DIPK1B: variants seen among roughly 807,000 people sequenced by gnomAD.
The protein encoded by DIPK1B is divergent protein kinase domain 1B.
A neutral mutation model predicts 20.7 loss-of-function variants in DIPK1B; 17 were observed. That is an observed-to-expected ratio of 0.82 (90% CI 0.56 to 1.23). DIPK1B has a LOEUF of 1.23. Among genes scored for constraint, DIPK1B ranks in the 50% most tolerant of loss-of-function variants. The pLI is 0.00. For synonymous variants in DIPK1B, 343 were observed against 276.5 expected (o/e 1.24, Z -2.39); for missense variants, 648 against 601.8 (o/e 1.08, Z -0.80).
intron 4 of DIPK1B, chr9:136,722,574 T>G: frequency 1.8e-6 from 1 of 570,930 alleles, no homozygotes; most frequent in East Asian, 3.0e-5. Context: ...GCAGGGCAGG[T>G]GCCCCGAATG....
Position 136,722,137 on chromosome 9 carries a change from C to T in DIPK1B, c.319C>T (p.Leu107Phe), listed in dbSNP as rs1342429772. 4.3e-6 allele frequency: 7 copies of T among 1,613,984 alleles called. No individual in the cohort carries two copies. Among genetic ancestry groups the T allele is most frequent in the Admixed American group, 1.7e-5 (1 of 60,020 alleles). ...TGGCCCTGTCCAGGTGTACAGCGGGCTCTGGCGGGACAAGGATGTAACCAT... is the reference window on the plus strand; with the variant it reads ...TGGCCCTGTCCAGGTGTACAGCGGGTTCTGGCGGGACAAGGATGTAACCAT... The part of the protein sequence containing the change: ...VAPGQQVYSG[L>F]WRDKDVTIKC... Residue 107 changes from leucine to phenylalanine, a missense_variant, in exon 4 of 5, where the codon CTC becomes TTC. Leu to Phe is a conservative substitution (Grantham distance 22, BLOSUM62 0). Coordinates refer to ENST00000371692, the MANE Select transcript of DIPK1B (RefSeq NM_152421.4).
At chr9:136,717,866 G>T (rs1353055024) in intron 2 of DIPK1B, among the ~76,000 whole-genome samples, 155 bp downstream of exon 2, 1 of 151,934 alleles carries the variant, frequency 6.6e-6, no homozygotes, top group African/African-American at 2.4e-5. Flanking sequence ...CTCAGGCTGG[G>T]TGTGGAGGAC....
At position 136,722,255 on chromosome 9, in the gene DIPK1B, G is replaced by A. The variant is rs1431681093; in HGVS notation, c.437G>A (p.Gly146Asp). 8.7e-6 allele frequency: 14 copies of A among 1,613,832 alleles called. No individual in the cohort carries two copies. The highest frequency in any genetic ancestry group is 1.2e-5 in the Non-Finnish European group (14 of 1,179,950). ...ELVLFDKPTR[G>D]TSIKEFREMT... is the part of the protein sequence containing the mutation. ...GTACTGTTTGACAAGCCCACCCGGG[G>A]CACCTCCATCAAGGAATTCCGGGAG... The change falls in exon 4 of 5, where the codon GGC (glycine) becomes GAC (aspartate). Residue 146 changes from glycine to aspartate, a missense_variant. Coordinates refer to ENST00000371692, the MANE Select transcript of DIPK1B (RefSeq NM_152421.4).
At chr9:136,720,580 G>A (rs1022655602) in intron 2 of DIPK1B, among the ~76,000 whole-genome samples, 6 of 152,226 alleles carry the variant, frequency 3.9e-5, no homozygotes, top group Non-Finnish European at 5.9e-5. Context: ...GAGGAGGGGC[G>A]GCAGCCAGCC....
rs1846607504 is a variant in DIPK1B at position 136,721,903 on chromosome 9, C to G, written c.199-18C>G. On this transcript the variant is annotated intron_variant, in intron 2 of 4. Coordinates refer to ENST00000371692, the MANE Select transcript of DIPK1B (RefSeq NM_152421.4). ...GGTGTGGCTGCCCCGCCCGGCACGC[C>G]TGCACCTGTCTCCTCAGTGTGACCA... 2 of 1,610,898 alleles carry G rather than the reference C, an allele frequency of 1.2e-6. No homozygotes were observed. The highest frequency in any genetic ancestry group is 1.7e-6 in the Non-Finnish European group (2 of 1,179,162).
At position 136,723,583 on chromosome 9, in the gene DIPK1B, G is replaced by A. The variant is rs767057842; in HGVS notation, c.1105G>A (p.Val369Met). ...GDLIQPNLAK[V>M]CALLRGYLLP... is the part of the protein sequence containing the mutation. The stretch of plus-strand genomic sequence containing the variant: ...CCTCATCCAGCCCAACCTGGCCAAG[G>A]TGTGCGCACTGCTACGGGGCTACCT... Residue 369 changes from valine (V) to methionine (M), a missense_variant, in exon 5 of 5, where the codon GTG (valine) becomes ATG (methionine). By Grantham distance (21) the Val-to-Met change is conservative. Transcript: ENST00000371692. 7 of 1,596,888 alleles carry A rather than the reference G, an allele frequency of 4.4e-6. No homozygotes were observed. In the Admixed American group the frequency reaches 6.9e-5, roughly 16 times the overall value.
intron 2 of DIPK1B, among the ~76,000 whole-genome samples, chr9:136,719,840 G>A (rs1423265046): frequency 1.3e-5 from 2 of 152,226 alleles, no homozygotes; most frequent in Non-Finnish European, 2.9e-5. Context: ...GCCTCCTGCG[G>A]TCCTGGGGCT....
chr9:136,721,676 C>G, intron 2 of DIPK1B: 1 of 521,486 alleles, frequency 1.9e-6, no homozygotes, highest in East Asian at 3.3e-5. Flanking sequence ...CGTCCTGTTA[C>G]AGGAGCCAGG....
chr9:136,723,467 A>C lies in DIPK1B; in HGVS notation c.989A>C (p.Gln330Pro). Residue 330 changes from glutamine to proline, a missense_variant, in exon 5 of 5, where the codon CAG (glutamine) becomes CCG (proline). Transcript: ENST00000371692. ...APEATVRRFLQGRRCEHSTDC... is the reference protein window; with the variant it reads ...APEATVRRFLPGRRCEHSTDC... ...GAGGCCACCGTGCGCCGCTTCCTGC[A>C]GGGCCGCCGCTGCGAGCACAGCACC... is the stretch of plus-strand genomic sequence containing the variant. The C allele has an allele frequency of 6.2e-7, 1 of 1,610,116 alleles. No homozygotes were observed. The highest frequency in any genetic ancestry group is 2.2e-5 in the East Asian group (1 of 44,832).
At chr9:136,716,822 G>T (rs1163226859) in intron 1 of DIPK1B, among the ~76,000 whole-genome samples, 1 of 152,166 alleles carries the variant, frequency 6.6e-6, no homozygotes, top group African/African-American at 2.4e-5. Flanking sequence ...CTGCATTACG[G>T]TGGACGGTGG....
At chr9:136,721,531 G>T (rs931668495) in intron 2 of DIPK1B, 6 of 219,232 alleles carry the variant, frequency 2.7e-5, no homozygotes, top group Non-Finnish European at 4.6e-5. Flanking sequence ...CTAGTTCACC[G>T]GCCAATGCCT....
rs772908596 is a variant in DIPK1B, at chr9:136,722,160, C to T, written c.342C>T (p.Thr114=). 6.2e-7 allele frequency: 1 copy of T among 1,614,018 alleles called. No homozygotes were observed. The highest frequency in any genetic ancestry group is 1.1e-5 in the South Asian group (1 of 91,082). The stretch of plus-strand genomic sequence containing the variant: ...GGCTCTGGCGGGACAAGGATGTAAC[C>T]ATCAAGTGTGGCATTGAGGAGACCC... ...YSGLWRDKDV[T]IKCGIEETLD... is the part of the protein sequence containing the mutation. The change falls in exon 4 of 5, where the codon ACC becomes ACT. Residue 114 remains threonine, a synonymous_variant. Transcript: ENST00000371692.
At chr9:136,721,834 C>T (rs1190867540) in intron 2 of DIPK1B, 87 bp from the exon 3 acceptor site, 2 of 1,215,570 alleles carry the variant, frequency 1.6e-6, no homozygotes, top group Non-Finnish European at 2.4e-6. Context: ...AAGTGGAGGC[C>T]CCTGCCAGCT....
At chr9:136,722,537 C>T (rs1366090733) in intron 4 of DIPK1B, 2 of 596,740 alleles carry the variant, frequency 3.4e-6, no homozygotes, top group Non-Finnish European at 5.9e-6. Flanking sequence ...CGAGGGGAGG[C>T]TCCTGCAGTC....
At chr9:136,717,439 G>A in intron 1 of DIPK1B, 138 bp from the exon 2 acceptor site, 10 of 954,122 alleles carry the variant, frequency 1.0e-5, no homozygotes, top group Non-Finnish European at 1.5e-5. Flanking sequence ...CTAGAAGACG[G>A]GGGTGCCAGG....
Position 136,723,517 on chromosome 9 carries a change from A to C in DIPK1B, c.1039A>C (p.Arg347=), listed in dbSNP as rs751034317. The change falls in exon 5 of 5, where the codon AGG becomes CGG. Residue 347 remains arginine, a synonymous_variant. Coordinates refer to ENST00000371692, the MANE Select transcript of DIPK1B (RefSeq NM_152421.4). The part of the protein sequence containing the change: ...STDCTYGRDC[R]APCDRLMRQC... Reference sequence around the variant, plus strand: ...CGACTGCACCTACGGGCGCGACTGCAGGGCCCCGTGTGACAGGCTCATGAG... The same window carrying C: ...CGACTGCACCTACGGGCGCGACTGCCGGGCCCCGTGTGACAGGCTCATGAG... 6.2e-7 allele frequency: 1 copy of C among 1,601,470 alleles called. No homozygotes were observed. Among genetic ancestry groups the C allele is most frequent in the East Asian group, 2.3e-5 (1 of 44,342 alleles).
intron 1 of DIPK1B, among the ~76,000 whole-genome samples, chr9:136,715,239 T>G (rs1163078248): frequency 1.3e-5 from 2 of 152,206 alleles, no homozygotes; most frequent in Admixed American, 1.3e-4. Context: ...AACCCCTGTG[T>G]AGGGCAAGTC....
chr9:136,722,601 G>T, intron 4 of DIPK1B: 1 of 560,234 alleles, frequency 1.8e-6, no homozygotes, highest in Non-Finnish European at 3.2e-6. Context: ...AGGGCTTGTG[G>T]AAAGGGGCCG....
At position 136,723,637 on chromosome 9, in the gene DIPK1B, G is replaced by A. The variant is rs145530925; in HGVS notation, c.1159G>A (p.Glu387Lys). Reference protein sequence around the residue: ...LLPGAPADLREELGTQLRTCT... With the variant: ...LLPGAPADLRKELGTQLRTCT... Reference sequence around the variant, plus strand: ...GCCTGGCGCGCCCGCCGACCTCCGCGAGGAGCTGGGCACACAGCTGCGCAC... The same window carrying A: ...GCCTGGCGCGCCCGCCGACCTCCGCAAGGAGCTGGGCACACAGCTGCGCAC... The change falls in exon 5 of 5, where the codon GAG becomes AAG. Residue 387 changes from glutamate (E) to lysine (K), a missense_variant. Glu to Lys is a moderately conservative substitution (Grantham distance 56). Transcript: ENST00000371692. 3.2e-5 allele frequency: 51 copies of A among 1,571,268 alleles called. No individual in the cohort carries two copies. The highest frequency in any genetic ancestry group is 2.4e-4 in the South Asian group (21 of 86,188).
Sources: allele counts gnomAD v4.1 joint callset (sites outside exome capture counted in the v4.1 genomes callset), GRCh38; gene constraint gnomAD v4.1.1; transcripts MANE v1.5; gene names NCBI Gene and HGNC (gene_info 2026-07-23, HGNC 2026-07-21).